TRIP4: variants seen among roughly 807,000 people sequenced by gnomAD.
TRIP4 encodes thyroid hormone receptor interactor 4.
A neutral mutation model predicts 81.8 loss-of-function variants in TRIP4; 54 were observed. The ratio of observed to expected loss-of-function variants is 0.66; its 90% CI spans 0.53 to 0.83. TRIP4 has a LOEUF of 0.83. Among genes scored for constraint, TRIP4 ranks in the 40% least tolerant of loss-of-function variants. The pLI, the probability that TRIP4 is intolerant of heterozygous loss-of-function variation, is 0.00. For synonymous variants in TRIP4, 270 were observed against 242.8 expected (o/e 1.11, Z -1.04); for missense variants, 662 against 683.6 (o/e 0.97, Z 0.35).
At chr15:64,431,582 C>G (rs1171631426) in intron 11 of TRIP4, among the ~76,000 whole-genome samples, 3 of 151,234 alleles carry the variant, frequency 2.0e-5, no homozygotes, top group Non-Finnish European at 4.4e-5. Flanking sequence ...AGTGGGTGCC[C>G]GTAATCCCAG....
At chr15:64,451,771 A>C (rs1468146669) in intron 12 of TRIP4, among the ~76,000 whole-genome samples, 1 of 149,658 alleles carries the variant, frequency 6.7e-6, no homozygotes, top group Non-Finnish European at 1.5e-5. Context: ...CTCCTGCCTC[A>C]GCCTCTTGAG....
intron 7 of TRIP4, among the ~76,000 whole-genome samples, chr15:64,410,449 T>G (rs1170081125): frequency 6.6e-6 from 1 of 152,218 alleles, no homozygotes; most frequent in East Asian, 1.9e-4. Context: ...TGTGTATATA[T>G]GTATGTGAGT....
At chr15:64,422,186 A>G (rs572828802) in intron 9 of TRIP4, among the ~76,000 whole-genome samples, 2 of 152,212 alleles carry the variant, frequency 1.3e-5, no homozygotes, top group Non-Finnish European at 2.9e-5. Context: ...AGATTAGGCC[A>G]GTATTATTAT....
chr15:64,425,429 A>G, intron 10 of TRIP4, 111 bp from the exon 11 acceptor site: 3 of 974,160 alleles, frequency 3.1e-6, no homozygotes, highest in Non-Finnish European at 3.1e-6. Flanking sequence ...ATGTCTACAA[A>G]TAGATAATGG....
chr15:64,392,632 T>C (rs1900168683), intron 1 of TRIP4, among the ~76,000 whole-genome samples: 1 of 151,950 alleles, frequency 6.6e-6, no homozygotes, highest in Non-Finnish European at 1.5e-5. Context: ...TTTTTGCTTG[T>C]TTGAGACAGA....
At chr15:64,390,153 A>G (rs889415780) in intron 1 of TRIP4, among the ~76,000 whole-genome samples, 1 of 148,528 alleles carries the variant, frequency 6.7e-6, no homozygotes. Flanking sequence ...TATATTAAAT[A>G]CAGTATTAAA....
intron 3 of TRIP4, among the ~76,000 whole-genome samples, chr15:64,396,095 G>A (rs974695577): frequency 7.9e-5 from 12 of 151,852 alleles, no homozygotes; most frequent in Admixed American, 3.3e-4. Flanking sequence ...TTTTAGTAGA[G>A]ATGGGGTTTC....
intron 9 of TRIP4, among the ~76,000 whole-genome samples, chr15:64,422,028 CAA>C (rs11409306): frequency 6.6e-5 from 7 of 105,972 alleles, no homozygotes; most frequent in African/African-American, 6.5e-5. Context: ...GACTCAGTCT[CAA>C]AAAAAAAAAA....
In TRIP4 at chr15:64,424,151, G is replaced by A; in HGVS notation, c.1479G>A (p.Gly493=). 1 of 1,614,156 alleles carries A rather than the reference G, an allele frequency of 6.2e-7. No individual in the cohort carries two copies. Among genetic ancestry groups the A allele is most frequent in the African/African-American group, 1.3e-5 (1 of 75,038 alleles). Residue 493 remains glycine, a synonymous_variant, in exon 10 of 13, where the codon GGG becomes GGA. Transcript: ENST00000261884. ...AGGCTACATATCGTCTTCTTCGTGG[G>A]AAAGGTAACAGCCGCATATTCTCCT... ...ELQATYRLLR[G]KDVEFPNDYP...
chr15:64,397,933 C>T, intron 4 of TRIP4, 115 bp downstream of exon 4: 1 of 1,162,638 alleles, frequency 8.6e-7, no homozygotes, highest in Non-Finnish European at 1.2e-6. Context: ...CGGAGTCTCA[C>T]TTTGTCGCCC....
intron 11 of TRIP4, among the ~76,000 whole-genome samples, chr15:64,427,596 G>T (rs533120288): frequency 3.3e-4 from 50 of 152,232 alleles, no homozygotes; most frequent in Non-Finnish European, 5.6e-4. Flanking sequence ...AGCTGGTCTT[G>T]AACTCCTGGC....
intron 11 of TRIP4, among the ~76,000 whole-genome samples, chr15:64,427,654 G>A (rs1892177704): frequency 6.6e-6 from 1 of 152,182 alleles, no homozygotes; most frequent in African/African-American, 2.4e-5. Flanking sequence ...TTGATTATAG[G>A]TGTGAGCCAC....
intron 11 of TRIP4, among the ~76,000 whole-genome samples, chr15:64,439,585 G>A (rs1004911029): frequency 8.5e-6 from 1 of 117,888 alleles, no homozygotes; most frequent in Non-Finnish European, 1.6e-5. Context: ...GTGCAATGGC[G>A]TAATCTTGGC....
At chr15:64,400,661 ATTTCAGGTTACTT>A in intron 4 of TRIP4, 69 bp from the exon 5 acceptor site, 1 of 1,057,290 alleles carries the variant, frequency 9.5e-7, no homozygotes, top group South Asian at 1.4e-5. Context: ...CTAATGTGTA[ATTTCAGGTTACTT>A]TTAGATATAT....
intron 11 of TRIP4, among the ~76,000 whole-genome samples, chr15:64,442,159 G>A (rs568735924): frequency 4.0e-5 from 6 of 151,250 alleles, no homozygotes; most frequent in Admixed American, 1.3e-4. Context: ...ATGAAAACCC[G>A]TTGGAGAGTT....
chr15:64,415,772 G>A (rs1296713942), intron 8 of TRIP4, among the ~76,000 whole-genome samples: 1 of 152,158 alleles, frequency 6.6e-6, no homozygotes, highest in Non-Finnish European at 1.5e-5. Flanking sequence ...TGATTTTGGG[G>A]GGATACTACT....
chr15:64,424,091 T>TA lies in TRIP4; in HGVS notation c.1425dup (p.Pro476ThrfsTer25). 6.2e-7 allele frequency: 1 copy of TA among 1,614,092 alleles called. No homozygotes were observed. The highest frequency in any genetic ancestry group is 8.5e-7 in the Non-Finnish European group (1 of 1,180,020). ...GACGACTTTGGATAGCAGCCACAGC[T>TA]AAAAAACCCTCCCCTCAAGAAGTCT... On this transcript the variant is annotated frameshift_variant, in exon 10 of 13. Transcript: ENST00000261884. LOFTEE classifies it high-confidence loss of function.
chr15:64,406,249 T>A, intron 5 of TRIP4, 81 bp from the exon 6 acceptor site: 19 of 1,539,328 alleles, frequency 1.2e-5, no homozygotes, highest in Non-Finnish European at 1.7e-5. Context: ...GATCTTCTGA[T>A]GTTTTGTTCT....
intron 12 of TRIP4, among the ~76,000 whole-genome samples, chr15:64,448,656 G>A (rs1472449284): frequency 3.3e-5 from 5 of 152,002 alleles, no homozygotes. Flanking sequence ...CTAGAAACGG[G>A]GTCTTGCCAT....
Sources: allele counts gnomAD v4.1 joint callset (sites outside exome capture counted in the v4.1 genomes callset), GRCh38; gene constraint gnomAD v4.1.1; transcripts MANE v1.5; gene names NCBI Gene and HGNC (gene_info 2026-07-23, HGNC 2026-07-21).